The following CNTN5 variants were observed in gnomAD, a reference collection of about 807,000 sequenced individuals.
CNTN5 encodes the protein contactin-5.
A neutral mutation model predicts 129.1 loss-of-function variants in CNTN5; 77 were observed. That is an observed-to-expected ratio of 0.60 (90% confidence interval 0.50 to 0.72). The LOEUF is 0.72. Among genes scored for constraint, CNTN5 ranks in the 30% least tolerant of loss-of-function variants. The pLI is 0.00. For synonymous variants in CNTN5, 509 were observed against 465.6 expected, an observed-to-expected ratio of 1.09 and a Z score of -1.20; for missense variants, 1,478 against 1,328.8, an observed-to-expected ratio of 1.11 and a Z score of -1.75.
At chr11:99,024,896 T>C (rs1863043602) in intron 1 of CNTN5, among the ~76,000 whole-genome samples, 3 of 152,022 alleles carry the variant, frequency 2.0e-5, no homozygotes, top group Non-Finnish European at 4.4e-5. Flanking sequence ...TCCTGTGTAT[T>C]TCTTAAGCTA....
At chr11:99,889,315 TGTGTGTGTGTGTGTGTG>T (rs1948987343) in intron 6 of CNTN5, among the ~76,000 whole-genome samples, 1 of 123,152 alleles carries the variant, frequency 8.1e-6, no homozygotes, top group African/African-American at 2.8e-5. Context: ...TGTGTGTGTG[TGTGTGTGTGTGTGTGTG>T]TGTGTGTGTG....
At chr11:99,170,710 C>G (rs1245988449) in intron 1 of CNTN5, among the ~76,000 whole-genome samples, 1 of 152,118 alleles carries the variant, frequency 6.6e-6, no homozygotes, top group Non-Finnish European at 1.5e-5. Context: ...TTAAGTAAGG[C>G]TGAGGAAATG....
intron 3 of CNTN5, among the ~76,000 whole-genome samples, chr11:99,795,108 TA>T (rs1334996868): frequency 6.6e-6 from 1 of 152,148 alleles, no homozygotes; most frequent in Non-Finnish European, 1.5e-5. Context: ...TTCATGGAGG[TA>T]TTGTTCATTC....
chr11:99,222,119 C>T (rs996896772), intron 1 of CNTN5, among the ~76,000 whole-genome samples: 6 of 151,752 alleles, frequency 4.0e-5, no homozygotes, highest in African/African-American at 1.5e-4. Flanking sequence ...ACAAAAAATA[C>T]CTATTGCTTG....
chr11:99,284,627 G>A (rs1256203847), intron 1 of CNTN5, among the ~76,000 whole-genome samples: 1 of 123,268 alleles, frequency 8.1e-6, no homozygotes, highest in Non-Finnish European at 1.9e-5. Context: ...GTGTGTGTGT[G>A]TGTGTGTGTG....
intron 13 of CNTN5, among the ~76,000 whole-genome samples, chr11:100,162,490 C>T (rs1043729435): frequency 4.0e-5 from 6 of 151,770 alleles, no homozygotes; most frequent in South Asian, 2.1e-4. Flanking sequence ...TGAATGAAGG[C>T]GTACTGATTT....
chr11:99,620,037 A>C (rs11220664), intron 3 of CNTN5, among the ~76,000 whole-genome samples: 19,657 of 147,844 alleles, frequency 0.13, 1,683 homozygotes, highest in South Asian at 0.24. Flanking sequence ...AAAAAAAAAA[A>C]CAAAAAACAA....
chr11:99,881,510 A>G (rs1293327677), intron 6 of CNTN5, among the ~76,000 whole-genome samples: 1 of 152,218 alleles, frequency 6.6e-6, no homozygotes, highest in Non-Finnish European at 1.5e-5. Flanking sequence ...GAAGTCCACT[A>G]TTATGAATTA....
At chr11:99,567,092 T>G (rs1470851219) in intron 3 of CNTN5, among the ~76,000 whole-genome samples, 1 of 152,174 alleles carries the variant, frequency 6.6e-6, no homozygotes, top group Non-Finnish European at 1.5e-5. Context: ...GTAAGTAAAG[T>G]ATTTTTTTCT....
At chr11:99,960,366 T>TA (rs201889834) in intron 8 of CNTN5, among the ~76,000 whole-genome samples, 1,879 of 152,230 alleles carry the variant, frequency 0.012, 41 homozygotes, top group African/African-American at 0.043. Flanking sequence ...ATGTTTTTTT[T>TA]CTTCTACTTG....
rs1319357109 is a variant in CNTN5, at chr11:100,340,552, A to G, written c.2820A>G (p.Leu940=). ...AGTCTTTCGTCATCCTAACAGGATT[A>G]GAAGGAAATACGTTATATCACTTCA... is the stretch of plus-strand genomic sequence containing the variant. ...GNESFVILTG[L]EGNTLYHFTV... Residue 940 remains leucine (L), a synonymous_variant, in exon 22 of 25, where the codon TTA becomes TTG. Transcript: ENST00000524871. 6.2e-7 allele frequency: 1 copy of G among 1,613,396 alleles called. No homozygotes were observed. The highest frequency in any genetic ancestry group is 1.3e-5 in the African/African-American group (1 of 75,058).
chr11:99,402,610 C>T (rs1490623989), intron 2 of CNTN5, among the ~76,000 whole-genome samples: 1 of 152,030 alleles, frequency 6.6e-6, no homozygotes, highest in African/African-American at 2.4e-5. Context: ...TGAAGCATTC[C>T]CTCCTCCTCT....
At chr11:99,097,636 G>T (rs2135339019) in intron 1 of CNTN5, among the ~76,000 whole-genome samples, 1 of 151,896 alleles carries the variant, frequency 6.6e-6, no homozygotes, top group East Asian at 1.9e-4. Context: ...ATTAATATTA[G>T]AATGCTTCAC....
chr11:99,440,645 T>G (rs1340089051), intron 2 of CNTN5, among the ~76,000 whole-genome samples: 6 of 152,148 alleles, frequency 3.9e-5, no homozygotes, highest in African/African-American at 1.4e-4. Context: ...GTAACATTTC[T>G]TCTTCATTCT....
At chr11:99,685,708 G>T (rs542441785) in intron 3 of CNTN5, among the ~76,000 whole-genome samples, 1 of 151,990 alleles carries the variant, frequency 6.6e-6, no homozygotes, top group South Asian at 2.1e-4. Context: ...TGATTTTCAA[G>T]CTGTGTTATA....
chr11:100,077,844 T>G (rs1241948989), intron 13 of CNTN5, among the ~76,000 whole-genome samples: 1 of 151,670 alleles, frequency 6.6e-6, no homozygotes, highest in Admixed American at 6.6e-5. Flanking sequence ...CTCAAAAATA[T>G]AATAAAATAA....
chr11:99,518,649 C>T (rs1352161894), intron 2 of CNTN5, among the ~76,000 whole-genome samples: 1 of 152,060 alleles, frequency 6.6e-6, no homozygotes, highest in African/African-American at 2.4e-5. Flanking sequence ...GTCAAATATA[C>T]TATAAGCTTA....
chr11:99,180,438 C>A (rs1591320347), intron 1 of CNTN5, among the ~76,000 whole-genome samples: 1 of 152,194 alleles, frequency 6.6e-6, no homozygotes, highest in African/African-American at 2.4e-5. Context: ...AGTTGTTTCG[C>A]ATAAGGTCCA....
intron 15 of CNTN5, among the ~76,000 whole-genome samples, chr11:100,205,887 G>A (rs939823483): frequency 1.3e-5 from 2 of 152,040 alleles, no homozygotes; most frequent in Non-Finnish European, 2.9e-5. Flanking sequence ...GATACAGAAG[G>A]CAACTATACA....
Sources: allele counts gnomAD v4.1 joint callset (sites outside exome capture counted in the v4.1 genomes callset), GRCh38; gene constraint gnomAD v4.1.1; transcripts MANE v1.5; gene names NCBI Gene and HGNC (gene_info 2026-07-23, HGNC 2026-07-21).